The following TSGA10 variants were observed in gnomAD, a reference collection of about 807,000 sequenced individuals.
TSGA10 encodes the protein testis specific 10, also known as testis-specific gene 10 protein.
A neutral mutation model predicts 96.6 loss-of-function variants in TSGA10; 43 were observed. The observed-to-expected ratio is 0.44, with a 90% CI of 0.35 to 0.57. The LOEUF is 0.57. Ranked by LOEUF, TSGA10 falls within the 20% of genes least tolerant of loss-of-function variation. The probability of loss-of-function intolerance (pLI) is 0.01; values close to 1 mark genes in which losing one functional copy is unlikely to be tolerated. For synonymous variants in TSGA10, 229 were observed against 269.9 expected (o/e 0.85, Z 1.48); for missense variants, 703 against 834.4 (o/e 0.84, Z 1.94).
intron 16 of TSGA10, among the ~76,000 whole-genome samples, chr2:99,056,204 C>CA (rs60861065): frequency 2.7e-4 from 39 of 144,026 alleles, no homozygotes; most frequent in East Asian, 1.0e-3. Context: ...GACTTCGTCT[C>CA]AAAAAAAAAA....
At chr2:99,100,507 T>G (rs2090561028) in intron 10 of TSGA10, among the ~76,000 whole-genome samples, 1 of 152,154 alleles carries the variant, frequency 6.6e-6, no homozygotes, top group South Asian at 2.1e-4. Context: ...GACCACTGCC[T>G]CACAACATAC....
chr2:99,033,506 T>C (rs1580068), intron 17 of TSGA10, among the ~76,000 whole-genome samples: 53,348 of 152,030 alleles, frequency 0.35, 10,705 homozygotes, highest in African/African-American at 0.55. Flanking sequence ...CTCAACAAAC[T>C]CTATCTGTCA....
chr2:99,046,336 T>C (rs530297300), intron 16 of TSGA10, among the ~76,000 whole-genome samples: 103 of 152,084 alleles, frequency 6.8e-4, no homozygotes, highest in Middle Eastern at 6.8e-3. Context: ...AAGCACTCCT[T>C]AGCAAATGTA....
At chr2:99,132,803 TTG>T (rs1199309766) in intron 1 of TSGA10, among the ~76,000 whole-genome samples, 2 of 152,246 alleles carry the variant, frequency 1.3e-5, no homozygotes, top group Admixed American at 6.5e-5. Context: ...TTCTGGTATG[TTG>T]TGTCTTTGTT....
At chr2:99,137,939 C>T (rs2093393946) in intron 1 of TSGA10, among the ~76,000 whole-genome samples, 1 of 151,066 alleles carries the variant, frequency 6.6e-6, no homozygotes, top group South Asian at 2.1e-4. Context: ...ATATAATAGG[C>T]CCCAGAGAGC....
chr2:99,080,977 T>A (rs779422976), intron 11 of TSGA10, among the ~76,000 whole-genome samples: 6 of 152,174 alleles, frequency 3.9e-5, no homozygotes, highest in Non-Finnish European at 7.4e-5. Flanking sequence ...ACAGCAGCTA[T>A]GGACAAGCTA....
chr2:99,051,577 G>A (rs1233756157), intron 16 of TSGA10, among the ~76,000 whole-genome samples: 1 of 151,974 alleles, frequency 6.6e-6, no homozygotes, highest in Admixed American at 6.6e-5. Flanking sequence ...ACCACAATAA[G>A]GCAGAAGATA....
At chr2:99,012,686 G>T (rs4851183) in intron 20 of TSGA10, among the ~76,000 whole-genome samples, 66,007 of 152,020 alleles carry the variant, frequency 0.43, 16,995 homozygotes, top group African/African-American at 0.72. Context: ...AGAAAACAAT[G>T]ACTATTAGAC....
intron 17 of TSGA10, among the ~76,000 whole-genome samples, chr2:99,029,422 T>C (rs1449304528): frequency 6.6e-6 from 1 of 150,954 alleles, no homozygotes. Context: ...TAAATGTATT[T>C]AAAAAAAAAG....
At chr2:99,000,224 T>C (rs1050330999) in intron 20 of TSGA10, among the ~76,000 whole-genome samples, 4 of 150,732 alleles carry the variant, frequency 2.7e-5, no homozygotes, top group Admixed American at 2.6e-4. Flanking sequence ...ATACAAAAAC[T>C]AGGCCAGGTG....
intron 20 of TSGA10, 54 bp from the exon 21 acceptor site, chr2:98,998,275 T>C (rs1178859604): frequency 3.4e-6 from 5 of 1,469,814 alleles, no homozygotes; most frequent in Non-Finnish European, 4.7e-6. Context: ...TTTTTCAACA[T>C]GTGTAACAAA....
chr2:99,109,433 G>A lies in TSGA10; in HGVS notation c.7C>T (p.Arg3Ter). MM[R>*]SRSKSPRRPS... Reference sequence around the variant, plus strand: ...CGTCTTGGACTTTTAGACCTACTTCGCATCATCTTTCTCAAATGTTGAGCT... The same window carrying A: ...CGTCTTGGACTTTTAGACCTACTTCACATCATCTTTCTCAAATGTTGAGCT... The change falls in exon 6 of 21, where the codon CGA becomes TGA. Residue 3 changes from arginine to a stop codon, truncating the protein, a stop_gained. Coordinates refer to ENST00000393483, the MANE Select transcript of TSGA10 (RefSeq NM_025244.4). LOFTEE classifies it high-confidence loss of function. 3 of 1,613,808 alleles carry A rather than the reference G, an allele frequency of 1.9e-6. No individual in the cohort carries two copies. Among genetic ancestry groups the A allele is most frequent in the Non-Finnish European group, 2.5e-6 (3 of 1,179,794 alleles).
intron 10 of TSGA10, among the ~76,000 whole-genome samples, chr2:99,101,631 G>C (rs2090746023): frequency 6.6e-6 from 1 of 152,122 alleles, no homozygotes; most frequent in African/African-American, 2.4e-5. Context: ...ACACTATCAA[G>C]AGAGCTAACA....
intron 10 of TSGA10, chr2:99,102,505 C>T (rs575974112): frequency 2.8e-5 from 45 of 1,613,938 alleles, no homozygotes; most frequent in African/African-American, 8.0e-5. Context: ...AAATGTGACC[C>T]GGCTCCATTT....
chr2:99,042,174 GGTTTGAGT>G (rs2104229939), intron 16 of TSGA10, among the ~76,000 whole-genome samples: 1 of 151,902 alleles, frequency 6.6e-6, no homozygotes, highest in South Asian at 2.1e-4. Flanking sequence ...ACATTTTGAA[GGTTTGAGT>G]CACTCGCTTT....
intron 1 of TSGA10, 49 bp from the exon 2 acceptor site, chr2:99,127,225 C>A: frequency 1.7e-6 from 2 of 1,158,544 alleles, no homozygotes; most frequent in Admixed American, 4.1e-5. Context: ...TTTAAAACAG[C>A]TCTGTGATTT....
At chr2:99,072,652 G>A (rs2086114506) in intron 13 of TSGA10, among the ~76,000 whole-genome samples, 1 of 152,060 alleles carries the variant, frequency 6.6e-6, no homozygotes, top group South Asian at 2.1e-4. Context: ...TTGCCCAAAG[G>A]ATATAACCAA....
chr2:99,029,681 G>A (rs2080962180), intron 17 of TSGA10, among the ~76,000 whole-genome samples: 1 of 152,120 alleles, frequency 6.6e-6, no homozygotes, highest in Non-Finnish European at 1.5e-5. Context: ...AAAAGCATTT[G>A]ACAAAATTCA....
At chr2:99,078,858 C>CT (rs2087076599) in intron 11 of TSGA10, 45 bp from the exon 12 acceptor site, 5 of 1,521,966 alleles carry the variant, frequency 3.3e-6, no homozygotes, top group East Asian at 2.3e-5. Context: ...AAAATAAAAT[C>CT]TTTTTTCTAT....
Sources: gnomAD v4.1 joint callset for allele counts (sites outside exome capture counted in the v4.1 genomes callset) on GRCh38, gnomAD v4.1.1 for gene constraint, MANE v1.5 for transcripts, NCBI Gene and HGNC (gene_info 2026-07-23, HGNC 2026-07-21) for gene names.